Variants in SPMAP2L observed in about 807,000 individuals in gnomAD.
The protein encoded by SPMAP2L is sperm microtubule associated protein 2-like.
chr4:56,594,709 G>C, the SPMAP2L span: 2 of 1,404,506 alleles, frequency 1.4e-6, no homozygotes, highest in Non-Finnish European at 2.0e-6. Flanking sequence ...TCAAGGCCAT[G>C]GTGGATAAGC....
At chr4:56,580,042 A>G in the SPMAP2L span, among the ~76,000 whole-genome samples, 1 of 152,206 alleles carries the variant, frequency 6.6e-6, no homozygotes, top group African/African-American at 2.4e-5. Flanking sequence ...ACTCTCAAAA[A>G]ATCAGACACT....
the SPMAP2L span, among the ~76,000 whole-genome samples, chr4:56,582,182 G>A: frequency 6.6e-6 from 1 of 151,924 alleles, no homozygotes; most frequent in Non-Finnish European, 1.5e-5. Flanking sequence ...AAGCTCATGT[G>A]ACAAAAGAAA....
the SPMAP2L span, chr4:56,575,639 A>G: frequency 2.6e-6 from 4 of 1,535,182 alleles, 1 homozygote; most frequent in South Asian, 3.6e-5. Flanking sequence ...TGTCTACTAA[A>G]TAGGTAGAGT....
At chr4:56,623,890 A>G in the SPMAP2L span, among the ~76,000 whole-genome samples, 111 of 152,314 alleles carry the variant, frequency 7.3e-4, no homozygotes, top group Middle Eastern at 3.4e-3. Flanking sequence ...GTAAATTGGT[A>G]CCAGTAGAGT....
chr4:56,625,704 T>A, the SPMAP2L span, among the ~76,000 whole-genome samples: 1 of 152,206 alleles, frequency 6.6e-6, no homozygotes, highest in African/African-American at 2.4e-5. Context: ...GCCATGATTC[T>A]GAGGCCTCCC....
the SPMAP2L span, chr4:56,593,915 G>T: frequency 6.2e-7 from 1 of 1,609,490 alleles, no homozygotes; most frequent in Non-Finnish European, 8.5e-7. Context: ...GATTTTGCCA[G>T]AAGGTCTCAA....
At chr4:56,561,037 C>T in the SPMAP2L span, among the ~76,000 whole-genome samples, 3 of 152,294 alleles carry the variant, frequency 2.0e-5, no homozygotes, top group East Asian at 1.9e-4. Context: ...TGAGCCATCA[C>T]GCCTGGCCAG....
the SPMAP2L span, among the ~76,000 whole-genome samples, chr4:56,591,733 T>C: frequency 6.6e-6 from 1 of 152,228 alleles, no homozygotes. Context: ...GTAATTTAAA[T>C]AGAAGACCAT....
the SPMAP2L span, among the ~76,000 whole-genome samples, chr4:56,558,573 T>C: frequency 6.6e-6 from 1 of 152,180 alleles, no homozygotes; most frequent in Non-Finnish European, 1.5e-5. Flanking sequence ...ATTTCATGGT[T>C]GTGTCTAAGG....
the SPMAP2L span, chr4:56,530,869 A>AG: frequency 6.5e-6 from 10 of 1,534,898 alleles, no homozygotes; most frequent in Non-Finnish European, 7.9e-6. Flanking sequence ...CGAGGAGGTC[A>AG]GGGAGCAAGA....
At chr4:56,604,250 C>G in the SPMAP2L span, among the ~76,000 whole-genome samples, 1 of 152,196 alleles carries the variant, frequency 6.6e-6, no homozygotes, top group African/African-American at 2.4e-5. Context: ...AATTTCCTAA[C>G]TCCCTGTGCT....
chr4:56,570,185 A>T, the SPMAP2L span, among the ~76,000 whole-genome samples: 1 of 152,116 alleles, frequency 6.6e-6, no homozygotes, highest in East Asian at 1.9e-4. Context: ...TTCCCTGACT[A>T]TTCTCTTCAG....
At chr4:56,530,755 T>G in the SPMAP2L span, 1 of 1,535,224 alleles carries the variant, frequency 6.5e-7, no homozygotes, top group Non-Finnish European at 8.7e-7. Context: ...AATATCCACT[T>G]GCTCCGAAGT....
At chr4:56,592,448 A>G in the SPMAP2L span, among the ~76,000 whole-genome samples, 95 of 152,336 alleles carry the variant, frequency 6.2e-4, no homozygotes, top group Non-Finnish European at 1.3e-4. Context: ...TTGAAAAGCT[A>G]CGTTGGGGAG....
chr4:56,580,018 C>T, the SPMAP2L span, among the ~76,000 whole-genome samples: 17 of 152,106 alleles, frequency 1.1e-4, no homozygotes, highest in Non-Finnish European at 2.4e-4. Flanking sequence ...AAATAATTAA[C>T]ACCATTCCTT....
At chr4:56,605,508 G>A in the SPMAP2L span, among the ~76,000 whole-genome samples, 1,242 of 152,296 alleles carry the variant, frequency 8.2e-3, 17 homozygotes, top group African/African-American at 0.029. Context: ...GAACAACTGG[G>A]TTGGATGCTG....
chr4:56,594,039 G>A, the SPMAP2L span: 349 of 1,611,412 alleles, frequency 2.2e-4, 1 homozygote, highest in Middle Eastern at 6.6e-4. Context: ...ATCAATTTTC[G>A]GCTTTTTGAG....
chr4:56,565,258 T>C, the SPMAP2L span, among the ~76,000 whole-genome samples: 8 of 152,240 alleles, frequency 5.3e-5, no homozygotes, highest in African/African-American at 1.9e-4. Flanking sequence ...GTTATTATGA[T>C]GGCATATTGA....
chr4:56,535,688 G>A, the SPMAP2L span, among the ~76,000 whole-genome samples: 5 of 152,110 alleles, frequency 3.3e-5, no homozygotes, highest in African/African-American at 1.2e-4. Context: ...TCCTGCTACA[G>A]GTCCACTGCA....
Sources: gnomAD v4.1 joint callset for allele counts (sites outside exome capture counted in the v4.1 genomes callset) on GRCh38, gnomAD v4.1.1 for gene constraint, MANE v1.5 for transcripts, NCBI Gene and HGNC (gene_info 2026-07-23, HGNC 2026-07-21) for gene names.